Variants in ITGB1 observed in about 807,000 individuals in gnomAD.
ITGB1 encodes integrin subunit beta 1.
A neutral mutation model predicts 86.5 loss-of-function variants in ITGB1; 24 were observed. The ratio of observed to expected loss-of-function variants is 0.28; its 90% CI spans 0.20 to 0.39. ITGB1 has a LOEUF of 0.39. ITGB1 is among the 10% of genes least tolerant of loss of function. ITGB1 has a pLI of 1.00. For missense variants in ITGB1, 556 were observed against 946.9 expected, an observed-to-expected ratio of 0.59 and a Z score of 5.42; for synonymous variants, 323 against 316.8, an observed-to-expected ratio of 1.02 and a Z score of -0.21.
At chr10:32,955,108 A>G (rs2095049877) in intron 1 of ITGB1, among the ~76,000 whole-genome samples, 1 of 152,324 alleles carries the variant, frequency 6.6e-6, no homozygotes, top group Non-Finnish European at 1.5e-5. Flanking sequence ...TTCCACAGCT[A>G]TAGATACCTC....
chr10:32,932,233 T>G (rs1190412377), intron 3 of ITGB1, among the ~76,000 whole-genome samples: 1 of 152,132 alleles, frequency 6.6e-6, no homozygotes, highest in Non-Finnish European at 1.5e-5. Flanking sequence ...AACATTATTT[T>G]TAAATATACA....
chr10:32,913,970 G>A (rs886582905), intron 11 of ITGB1, among the ~76,000 whole-genome samples: 1 of 152,136 alleles, frequency 6.6e-6, no homozygotes, highest in African/African-American at 2.4e-5. Flanking sequence ...CAGATCTCTC[G>A]GCAGAAACTC....
At chr10:32,945,072 T>C (rs2095028111) in intron 1 of ITGB1, 1 of 492,594 alleles carries the variant, frequency 2.0e-6, no homozygotes, top group Non-Finnish European at 3.8e-6. Context: ...CTGCTTTTCC[T>C]AAGACCTCCA....
intron 15 of ITGB1, among the ~76,000 whole-genome samples, chr10:32,901,855 G>A (rs1387664002): frequency 6.6e-6 from 1 of 152,176 alleles, no homozygotes; most frequent in African/African-American, 2.4e-5. Context: ...CCGTTATCTG[G>A]TGCTATTTCA....
chr10:32,952,291 T>TA (rs1184777536), intron 1 of ITGB1, among the ~76,000 whole-genome samples: 1 of 152,188 alleles, frequency 6.6e-6, no homozygotes, highest in African/African-American at 2.4e-5. Flanking sequence ...CATGGCCTTC[T>TA]AAAACAAGAA....
At chr10:32,935,351 C>T (rs2094997800) in intron 2 of ITGB1, 141 bp downstream of exon 2, 2 of 587,862 alleles carry the variant, frequency 3.4e-6, no homozygotes, top group Admixed American at 5.8e-5. Flanking sequence ...CTTGACCTTT[C>T]TCTGAGTAAG....
intron 1 of ITGB1, among the ~76,000 whole-genome samples, chr10:32,945,643 GAA>G (rs2095029776): frequency 6.6e-6 from 1 of 151,884 alleles, no homozygotes; most frequent in Admixed American, 6.6e-5. Flanking sequence ...ATATTTTTTG[GAA>G]AAGTTTTAAA....
chr10:32,944,829 G>A (rs1362589850), intron 1 of ITGB1: 3 of 1,010,120 alleles, frequency 3.0e-6, no homozygotes, highest in East Asian at 5.1e-5. Context: ...AAAACTGTGG[G>A]CACTGATGAT....
chr10:32,938,859 G>T (rs12416342), intron 1 of ITGB1, among the ~76,000 whole-genome samples: 8,724 of 152,256 alleles, frequency 0.057, 451 homozygotes, highest in South Asian at 0.25. Context: ...AGGACCAGGG[G>T]GCGGAGAGGA....
chr10:32,923,235 C>T (rs945418056), intron 7 of ITGB1, among the ~76,000 whole-genome samples: 2 of 152,060 alleles, frequency 1.3e-5, no homozygotes, highest in African/African-American at 4.8e-5. Flanking sequence ...TTTTAAAAAT[C>T]GTATAAAACA....
At chr10:32,941,310 C>A (rs947145076) in intron 1 of ITGB1, among the ~76,000 whole-genome samples, 1 of 152,050 alleles carries the variant, frequency 6.6e-6, no homozygotes, top group African/African-American at 2.4e-5. Flanking sequence ...GAAAAAAAGA[C>A]TAGAAAAATG....
intron 2 of ITGB1, among the ~76,000 whole-genome samples, chr10:32,933,984 C>T (rs2094992562): frequency 6.6e-6 from 1 of 152,026 alleles, no homozygotes; most frequent in South Asian, 2.1e-4. Context: ...ATATAAACAC[C>T]CCAAGTACAC....
In ITGB1 at chr10:32,923,694, G is replaced by A; in HGVS notation, c.833C>T (p.Thr278Ile). Residue 278 changes from threonine to isoleucine, a missense_variant, in exon 7 of 16, where the codon ACA (threonine) becomes ATA (isoleucine). Coordinates refer to ENST00000302278, the MANE Select transcript of ITGB1 (RefSeq NM_002211.4). ...RNVTRLLVFSTDAGFHFAGDG... is the reference protein window; with the variant it reads ...RNVTRLLVFSIDAGFHFAGDG... ...TCCAGCAAAGTGAAACCCGGCATCT[G>A]TGGAAAACACCAGCAGCCGTGTAAC... 6.2e-7 allele frequency: 1 copy of A among 1,613,838 alleles called. No individual in the cohort carries two copies. The highest frequency in any genetic ancestry group is 8.5e-7 in the Non-Finnish European group (1 of 1,179,844).
intron 3 of ITGB1, among the ~76,000 whole-genome samples, chr10:32,930,632 T>G (rs1232463110): frequency 1.3e-5 from 2 of 152,184 alleles, no homozygotes; most frequent in Admixed American, 1.3e-4. Context: ...GTAAATAAGT[T>G]TTTAAAAAAC....
Position 32,923,639 on chromosome 10 carries a change from T to C in ITGB1, c.888A>G (p.Pro296=). The C allele has an allele frequency of 6.2e-7, 1 of 1,613,878 alleles. No individual in the cohort carries two copies. Among genetic ancestry groups the C allele is most frequent in the South Asian group, 1.1e-5 (1 of 91,056 alleles). ...TTTCCAGGTGACATTGTCCATCATT[T>C]GGTAAAACAATGCCACCAAGTTTCC... The part of the protein sequence containing the change: ...GDGKLGGIVL[P]NDGQCHLENN... Residue 296 remains proline, a synonymous_variant, in exon 7 of 16, where the codon CCA becomes CCG. Coordinates refer to ENST00000302278, the MANE Select transcript of ITGB1 (RefSeq NM_002211.4).
intron 1 of ITGB1, 46 bp from the exon 2 acceptor site, chr10:32,935,604 G>GA (rs1565829416): frequency 7.5e-7 from 1 of 1,336,222 alleles, no homozygotes; most frequent in East Asian, 2.3e-5. Flanking sequence ...GAAATAAAAT[G>GA]AAAAATGCAT....
At chr10:32,931,434 C>T (rs1016950707) in intron 3 of ITGB1, among the ~76,000 whole-genome samples, 3 of 152,112 alleles carry the variant, frequency 2.0e-5, no homozygotes, top group Non-Finnish European at 4.4e-5. Context: ...TTAAGTGAAA[C>T]TGCTTTAAGT....
intron 11 of ITGB1, 41 bp from the exon 12 acceptor site, chr10:32,912,165 A>G (rs773400061): frequency 1.3e-6 from 2 of 1,544,670 alleles, no homozygotes; most frequent in Non-Finnish European, 8.9e-7. Context: ...CAAAACAAAA[A>G]TAATTTAAGA....
At chr10:32,935,852 A>T (rs1216930357) in intron 1 of ITGB1, 2 of 243,674 alleles carry the variant, frequency 8.2e-6, no homozygotes, top group African/African-American at 4.5e-5. Context: ...AGCGCTCAAA[A>T]AAAAAATCAG....
Sources: gnomAD v4.1 joint callset for allele counts (sites outside exome capture counted in the v4.1 genomes callset) on GRCh38, gnomAD v4.1.1 for gene constraint, MANE v1.5 for transcripts, NCBI Gene and HGNC (gene_info 2026-07-23, HGNC 2026-07-21) for gene names.